TEX9: variants seen among roughly 807,000 people sequenced by gnomAD.
TEX9 encodes the protein testis expressed 9, also known as testis-expressed protein 9.
In TEX9, 74 loss-of-function variants were observed where a neutral mutation model predicts 59.6. The ratio of observed to expected loss-of-function variants is 1.24; its 90% CI spans 1.03 to 1.51. The LOEUF is 1.51. TEX9 is among the 40% of genes most tolerant of loss of function. The pLI is 0.00. For missense variants in TEX9, 522 were observed against 447.8 expected (o/e 1.17, Z -1.49); for synonymous variants, 186 against 152.2 (o/e 1.22, Z -1.64).
chr15:56,290,917 C>A lies in TEX9; in HGVS notation c.-107+46639C>A, dbSNP rs530433056. ...ATGGGAGAATGAAGGCCTTTATCTT[C>A]TACTCTGCCATCTTGGTTGACAAAG... On this transcript the variant is annotated intron_variant, in intron 1 of 5. Transcript: ENST00000560827. Among the ~76,000 whole-genome samples the A allele has an allele frequency of 1.9e-3, 295 of 151,676 alleles. 2 individuals carry two copies. The highest frequency in any genetic ancestry group is 6.8e-3 in the African/African-American group (283 of 41,320).
chr15:56,386,005 A>G (rs1437059039), intron 4 of TEX9, among the ~76,000 whole-genome samples: 3 of 152,154 alleles, frequency 2.0e-5, no homozygotes, highest in Admixed American at 2.0e-4. Flanking sequence ...GTGAATTTTT[A>G]GATCAATTTT....
chr15:56,305,149 A>C (rs1168518197), intron 1 of TEX9, among the ~76,000 whole-genome samples: 1 of 152,218 alleles, frequency 6.6e-6, no homozygotes, highest in African/African-American at 2.4e-5. Context: ...ACATGGAAAA[A>C]TATTCTATGT....
intron 12 of TEX9, chr15:56,429,453 C>G: frequency 3.0e-6 from 1 of 335,046 alleles, no homozygotes. Flanking sequence ...AGCTCTTCTA[C>G]AAGTTCTACT....
intron 10 of TEX9, among the ~76,000 whole-genome samples, chr15:56,420,104 T>G (rs1193497875): frequency 1.3e-5 from 2 of 151,834 alleles, no homozygotes; most frequent in African/African-American, 4.9e-5. Context: ...TCCTCCTACA[T>G]TCCTGTGGGT....
At chr15:56,293,434 C>T (rs138700887) in intron 1 of TEX9, among the ~76,000 whole-genome samples, 1 of 152,310 alleles carries the variant, frequency 6.6e-6, no homozygotes, top group Admixed American at 6.5e-5. Flanking sequence ...AGAATTCTGA[C>T]AGACTTGGCA....
At chr15:56,302,170 G>A (rs2045374496) in intron 1 of TEX9, among the ~76,000 whole-genome samples, 1 of 152,094 alleles carries the variant, frequency 6.6e-6, no homozygotes, top group Admixed American at 6.6e-5. Flanking sequence ...TTATTTCCAA[G>A]CCGCATGGTA....
intron 1 of TEX9, among the ~76,000 whole-genome samples, chr15:56,325,743 A>G (rs752926539): frequency 7.2e-5 from 11 of 152,238 alleles, no homozygotes; most frequent in African/African-American, 2.7e-4. Context: ...TTGAAATGCT[A>G]CAACTGAGTA....
intron 1 of TEX9, among the ~76,000 whole-genome samples, chr15:56,327,855 C>G (rs1266152086): frequency 6.6e-6 from 1 of 152,130 alleles, no homozygotes; most frequent in Non-Finnish European, 1.5e-5. Flanking sequence ...ACATGCCTCA[C>G]CACTGAAGCC....
intron 1 of TEX9, among the ~76,000 whole-genome samples, chr15:56,285,446 G>T (rs992792341): frequency 6.6e-6 from 1 of 152,172 alleles, no homozygotes; most frequent in Admixed American, 6.5e-5. Context: ...AATTTAATTT[G>T]GGAAAATCTT....
chr15:56,306,573 G>T (rs945977393), intron 1 of TEX9, among the ~76,000 whole-genome samples: 1 of 152,146 alleles, frequency 6.6e-6, no homozygotes, highest in Non-Finnish European at 1.5e-5. Context: ...TGAACTCATG[G>T]ATATAGAGTA....
intron 12 of TEX9, among the ~76,000 whole-genome samples, chr15:56,439,712 C>T (rs1233963872): frequency 6.8e-6 from 1 of 146,964 alleles, no homozygotes; most frequent in African/African-American, 2.5e-5. Context: ...AAAATTAACT[C>T]AAAACAGATC....
chr15:56,443,870 A>G, intron 12 of TEX9: 3 of 1,559,386 alleles, frequency 1.9e-6, no homozygotes, highest in Non-Finnish European at 2.6e-6. Context: ...AAGCAATAAC[A>G]AGTACAGATT....
chr15:56,259,511 C>A (rs1276130449), intron 1 of TEX9, among the ~76,000 whole-genome samples: 2 of 151,930 alleles, frequency 1.3e-5, no homozygotes, highest in African/African-American at 2.4e-5. Flanking sequence ...GAAAAAAAAT[C>A]TTATTATTAC....
intron 1 of TEX9, among the ~76,000 whole-genome samples, chr15:56,292,525 G>A (rs1214311749): frequency 6.6e-6 from 1 of 152,178 alleles, no homozygotes; most frequent in African/African-American, 2.4e-5. Context: ...CCTTTTGGCA[G>A]TGAGGGTCTG....
Position 56,433,250 on chromosome 15 carries a change from C to T in TEX9, c.*29+4777C>T, listed in dbSNP as rs1297051421. 2.4e-5 allele frequency among the ~76,000 whole-genome samples: 3 copies of T among 124,914 alleles called. No individual in the cohort carries two copies. In the East Asian group the frequency reaches 8.4e-4, roughly 35 times the overall value. 81.9% of individuals were successfully genotyped at this position (124,914 alleles called of 152,430 possible). A position where few individuals can be genotyped will look rare whatever the true frequency, so the allele number is the denominator to read the frequency against. On this transcript the variant is annotated intron_variant, in intron 12 of 12. Coordinates refer to ENST00000352903, the Ensembl canonical transcript of TEX9. Reference sequence around the variant, plus strand: ...AGAGGAACATCATCACACACCAGGGCCTGTCGGGGGGTGGGGGGGACAAGG... The same window carrying T: ...AGAGGAACATCATCACACACCAGGGTCTGTCGGGGGGTGGGGGGGACAAGG...
intron 1 of TEX9, among the ~76,000 whole-genome samples, chr15:56,294,683 G>T (rs2045176451): frequency 6.6e-6 from 1 of 152,078 alleles, no homozygotes; most frequent in Non-Finnish European, 1.5e-5. Flanking sequence ...GGCTTTTCCT[G>T]TGTTAGTTGA....
chr15:56,460,001 A>ATATATATATATATATATAT, the TEX9 span, among the ~76,000 whole-genome samples: 2 of 33,882 alleles, frequency 5.9e-5, no homozygotes, highest in African/African-American at 2.2e-4. Flanking sequence ...AAAAAAAAAA[A>ATATATATATATATATATAT]AAAAAAAAAT....
At chr15:56,451,231 G>C in the TEX9 span, among the ~76,000 whole-genome samples, 1 of 152,172 alleles carries the variant, frequency 6.6e-6, no homozygotes, top group Non-Finnish European at 1.5e-5. Flanking sequence ...AGGTAGGTTA[G>C]AACAGATATA....
At chr15:56,372,156 G>T (rs2047218855) in intron 2 of TEX9, among the ~76,000 whole-genome samples, 1 of 152,124 alleles carries the variant, frequency 6.6e-6, no homozygotes, top group African/African-American at 2.4e-5. Context: ...CTTAATCCTT[G>T]TGATTAAGTC....
Sources: gnomAD v4.1 joint callset for allele counts (sites outside exome capture counted in the v4.1 genomes callset) on GRCh38, gnomAD v4.1.1 for gene constraint, MANE v1.5 for transcripts, NCBI Gene and HGNC (gene_info 2026-07-23, HGNC 2026-07-21) for gene names.